PAM: variants seen among roughly 807,000 people sequenced by gnomAD.
The protein encoded by PAM is peptidylglycine alpha-amidating monooxygenase, also known as peptidyl-glycine alpha-amidating monooxygenase.
PAM carries 72 observed loss-of-function variants against 122.1 expected under a neutral mutation model. The ratio of observed to expected loss-of-function variants is 0.59; its 90% CI spans 0.49 to 0.72. The LOEUF is 0.72. Ranked by LOEUF, PAM falls within the 30% of genes least tolerant of loss-of-function variation. PAM has a pLI of 0.00. For missense variants in PAM, 1,106 were observed against 1,183.7 expected (o/e 0.93, Z 0.96); for synonymous variants, 389 against 404.4 (o/e 0.96, Z 0.46).
chr5:102,916,478 C>A (rs1370844059), intron 5 of PAM, among the ~76,000 whole-genome samples: 3 of 151,650 alleles, frequency 2.0e-5, no homozygotes, highest in African/African-American at 7.3e-5. Flanking sequence ...AAAACAAGGA[C>A]AATTGGTGCT....
At chr5:102,899,584 A>C (rs977720869) in intron 3 of PAM, among the ~76,000 whole-genome samples, 1 of 151,716 alleles carries the variant, frequency 6.6e-6, no homozygotes, top group Non-Finnish European at 1.5e-5. Context: ...ATTTGCTTTT[A>C]AGTCATTATT....
chr5:102,794,928 ACCTGTAATCCTAGCACT>A (rs150118206), intron 1 of PAM, among the ~76,000 whole-genome samples: 3,979 of 152,086 alleles, frequency 0.026, 107 homozygotes, highest in East Asian at 0.14. Context: ...GGTGGCTCAC[ACCTGTAATCCTAGCACT>A]CTGGCAGGCT....
At chr5:102,988,274 ATACACCAACGT>A (rs1772624705) in intron 15 of PAM, among the ~76,000 whole-genome samples, 1 of 143,150 alleles carries the variant, frequency 7.0e-6, no homozygotes, top group African/African-American at 3.0e-5. Context: ...CTTTAAGTGC[ATACACCAACGT>A]TTGCTCCCGT....
chr5:102,913,630 G>T (rs1802160883), intron 4 of PAM, among the ~76,000 whole-genome samples: 1 of 151,944 alleles, frequency 6.6e-6, no homozygotes, highest in Non-Finnish European at 1.5e-5. Flanking sequence ...TACATAGCCT[G>T]CAGATTTCAT....
chr5:102,858,083 G>A (rs1304421924), intron 1 of PAM, among the ~76,000 whole-genome samples: 1 of 152,120 alleles, frequency 6.6e-6, no homozygotes, highest in Admixed American at 6.5e-5. Flanking sequence ...TAAGAATTCA[G>A]CAAGATTATA....
At position 102,993,141 on chromosome 5, in the gene PAM, A is replaced by G. The variant is rs142608965; in HGVS notation, c.1613+2740A>G. On this transcript the variant is annotated intron_variant, in intron 16 of 25. Transcript: ENST00000438793. Reference sequence around the variant, plus strand: ...GATGATAGTCACTCCCTTTCTCAATATGATTTCCATTTTTCTCCCTTACTT... The same window carrying G: ...GATGATAGTCACTCCCTTTCTCAATGTGATTTCCATTTTTCTCCCTTACTT... Among the ~76,000 whole-genome samples the G allele has an allele frequency of 4.6e-5, 7 of 152,196 alleles. No homozygotes were observed. In the East Asian group the frequency reaches 1.4e-3, roughly 29 times the overall value.
intron 15 of PAM, among the ~76,000 whole-genome samples, chr5:102,977,452 G>A (rs911218236): frequency 3.3e-5 from 5 of 152,206 alleles, no homozygotes; most frequent in South Asian, 4.1e-4. Flanking sequence ...AAATATCTGC[G>A]AATAGCATTT....
At chr5:102,923,477 A>T (rs71586552) in intron 5 of PAM, among the ~76,000 whole-genome samples, 10,400 of 152,234 alleles carry the variant, frequency 0.068, 536 homozygotes, top group Non-Finnish European at 0.099. Context: ...AGCTTTTCAG[A>T]TCTGCCTACA....
At chr5:102,958,605 G>A (rs1197586099) in intron 12 of PAM, among the ~76,000 whole-genome samples, 3 of 152,090 alleles carry the variant, frequency 2.0e-5, no homozygotes, top group Non-Finnish European at 4.4e-5. Flanking sequence ...CACGGGAGAG[G>A]CAATTACACT....
At chr5:102,985,070 A>G (rs1771303089) in intron 15 of PAM, among the ~76,000 whole-genome samples, 1 of 152,158 alleles carries the variant, frequency 6.6e-6, no homozygotes, top group Admixed American at 6.5e-5. Context: ...GACCTATGGA[A>G]TATAGCAAAA....
intron 1 of PAM, among the ~76,000 whole-genome samples, chr5:102,810,667 AAAAATAC>A (rs1474599301): frequency 6.6e-6 from 1 of 152,080 alleles, no homozygotes; most frequent in Non-Finnish European, 1.5e-5. Context: ...CGTCTGTACT[AAAAATAC>A]AAAATTAGTC....
intron 1 of PAM, among the ~76,000 whole-genome samples, chr5:102,756,851 C>T (rs1750537064): frequency 6.6e-6 from 1 of 152,118 alleles, no homozygotes; most frequent in African/African-American, 2.4e-5. Context: ...TTTCATTCCG[C>T]GATGCACTCT....
chr5:102,888,256 A>G (rs1035828721), intron 3 of PAM, among the ~76,000 whole-genome samples: 7 of 151,820 alleles, frequency 4.6e-5, no homozygotes, highest in South Asian at 2.1e-4. Flanking sequence ...TATAGACTTA[A>G]TCCAGACAGC....
chr5:102,867,848 C>T (rs1224057722), intron 3 of PAM, among the ~76,000 whole-genome samples: 1 of 152,184 alleles, frequency 6.6e-6, no homozygotes, highest in Non-Finnish European at 1.5e-5. Flanking sequence ...ACAAAACATT[C>T]CACTCTTTTA....
intron 1 of PAM, among the ~76,000 whole-genome samples, chr5:102,840,783 G>A (rs1334755605): frequency 2.0e-5 from 3 of 152,188 alleles, no homozygotes; most frequent in Non-Finnish European, 4.4e-5. Flanking sequence ...GCAGGGTAGA[G>A]GAAGGGGCAA....
At chr5:102,815,794 G>A (rs958786837) in intron 1 of PAM, among the ~76,000 whole-genome samples, 1 of 152,160 alleles carries the variant, frequency 6.6e-6, no homozygotes, top group African/African-American at 2.4e-5. Context: ...GAAACAATAA[G>A]TTGGCATTTG....
chr5:102,872,523 GA>G (rs1490648054), intron 3 of PAM, among the ~76,000 whole-genome samples: 1 of 152,156 alleles, frequency 6.6e-6, no homozygotes, highest in Non-Finnish European at 1.5e-5. Flanking sequence ...ACATGAGGAA[GA>G]GATTCCCTTG....
chr5:102,758,067 AATTTTGTTTTTTTTT>A (rs1316334750), intron 1 of PAM, among the ~76,000 whole-genome samples: 1 of 98,026 alleles, frequency 1.0e-5, no homozygotes, highest in African/African-American at 4.0e-5. Context: ...AAAGACTTAG[AATTTTGTTTTTTTTT>A]TTTTTTTTTT....
chr5:103,028,156 T>C, intron 24 of PAM, 29 bp from the exon 25 acceptor site: 3 of 1,594,552 alleles, frequency 1.9e-6, no homozygotes, highest in Non-Finnish European at 2.6e-6. Flanking sequence ...CTGGGACTCA[T>C]TTTGAAATGT....
Sources: allele counts gnomAD v4.1 joint callset (sites outside exome capture counted in the v4.1 genomes callset), GRCh38; gene constraint gnomAD v4.1.1; transcripts MANE v1.5; gene names NCBI Gene and HGNC (gene_info 2026-07-23, HGNC 2026-07-21).